ANK2: variants seen among roughly 807,000 people sequenced by gnomAD.
ANK2 encodes the protein ankyrin 2, also known as ankyrin-2.
In ANK2, 83 loss-of-function variants were observed where a neutral mutation model predicts 360.5. That is an observed-to-expected ratio of 0.23 (90% CI 0.19 to 0.28). ANK2 has a LOEUF of 0.28. ANK2 is among the 10% of genes least tolerant of loss of function. ANK2 has a pLI of 1.00. For synonymous variants in ANK2, 1,740 were observed against 1,759.5 expected, an observed-to-expected ratio of 0.99 and a Z score of 0.28; for missense variants, 4,201 against 4,795.7, an observed-to-expected ratio of 0.88 and a Z score of 3.66.
At chr4:112,874,117 T>C (rs2074212546) in intron 1 of ANK2, among the ~76,000 whole-genome samples, 1 of 141,752 alleles carries the variant, frequency 7.1e-6, no homozygotes, top group Non-Finnish European at 1.5e-5. Flanking sequence ...AGTCTCGCAC[T>C]GTCTCCCAAG....
rs762601575 is a variant in ANK2 at position 113,358,164 on chromosome 4, T to C, written c.9546T>C (p.Leu3182=). The C allele has an allele frequency of 5.0e-6, 8 of 1,614,056 alleles. No homozygotes were observed. The East Asian group carries it at 1.8e-4, about 36-fold the overall frequency. ...CAGTGGATGATGAGGCAGACTTACTTCCAGATGACGTGAGTGAGGAAGTAG... is the reference window on the plus strand; with the variant it reads ...CAGTGGATGATGAGGCAGACTTACTCCCAGATGACGTGAGTGAGGAAGTAG... ...KETVDDEADL[L]PDDVSEEVEE... is the part of the protein sequence containing the mutation. Residue 3182 remains leucine (L), a synonymous_variant, in exon 38 of 46, where the codon CTT becomes CTC. Coordinates refer to ENST00000357077, the MANE Select transcript of ANK2 (RefSeq NM_001148.6).
At chr4:112,834,753 G>A (rs1239632240) in intron 1 of ANK2, among the ~76,000 whole-genome samples, 2 of 152,168 alleles carry the variant, frequency 1.3e-5, no homozygotes, top group African/African-American at 4.8e-5. Context: ...TTGTTTAAGA[G>A]TCAAATTAGG....
At chr4:112,737,713 T>C in the ANK2 span, among the ~76,000 whole-genome samples, 1 of 152,190 alleles carries the variant, frequency 6.6e-6, no homozygotes, top group Non-Finnish European at 1.5e-5. Flanking sequence ...GGTTCTTAGT[T>C]CTCTTACATG....
chr4:113,222,953 G>A (rs554714056), intron 4 of ANK2, among the ~76,000 whole-genome samples: 37 of 152,218 alleles, frequency 2.4e-4, no homozygotes, highest in African/African-American at 8.4e-4. Context: ...TACTAAACAA[G>A]TATATAATCA....
At chr4:112,983,578 G>A (rs1331602192) in intron 2 of ANK2, among the ~76,000 whole-genome samples, 5 of 151,970 alleles carry the variant, frequency 3.3e-5, no homozygotes, top group African/African-American at 1.2e-4. Context: ...GTGAGGCTGA[G>A]GCAGGAGAAT....
At chr4:113,111,042 C>T (rs1360868053) in intron 1 of ANK2, among the ~76,000 whole-genome samples, 1 of 151,938 alleles carries the variant, frequency 6.6e-6, no homozygotes, top group African/African-American at 2.4e-5. Flanking sequence ...GAATAATAGC[C>T]CAGTCATTTA....
chr4:113,256,324 GA>G (rs934722934), intron 11 of ANK2, among the ~76,000 whole-genome samples: 2 of 151,772 alleles, frequency 1.3e-5, no homozygotes, highest in African/African-American at 2.4e-5. Context: ...TCTCTTTTTG[GA>G]AAAAAAATTA....
chr4:112,963,356 A>C (rs761262261), intron 2 of ANK2, among the ~76,000 whole-genome samples: 1 of 152,194 alleles, frequency 6.6e-6, no homozygotes, highest in African/African-American at 2.4e-5. Flanking sequence ...AATCTGTTTC[A>C]TGCATCTATT....
chr4:112,738,636 G>C, the ANK2 span: 3 of 554,134 alleles, frequency 5.4e-6, no homozygotes, highest in Admixed American at 3.9e-5. Context: ...CCTCTGGGCT[G>C]CCTACCGAGG....
At chr4:113,144,559 T>C (rs887014376) in intron 1 of ANK2, among the ~76,000 whole-genome samples, 1 of 151,822 alleles carries the variant, frequency 6.6e-6, no homozygotes, top group Non-Finnish European at 1.5e-5. Context: ...TGCTTCCAAT[T>C]CAATACTTTT....
chr4:113,097,873 TATGCACACACACAC>T (rs1562040540), intron 1 of ANK2, among the ~76,000 whole-genome samples: 6 of 121,474 alleles, frequency 4.9e-5, no homozygotes, highest in Non-Finnish European at 8.4e-5. Flanking sequence ...TGTGTATATA[TATGCACACACACAC>T]ACACGCACAC....
intron 1 of ANK2, among the ~76,000 whole-genome samples, chr4:113,169,658 G>A (rs917372960): frequency 2.6e-5 from 4 of 152,090 alleles, no homozygotes; most frequent in East Asian, 1.9e-4. Flanking sequence ...TTGGGTCACC[G>A]TTTTAGACAA....
intron 24 of ANK2, among the ~76,000 whole-genome samples, chr4:113,315,636 C>T (rs907993989): frequency 2.6e-5 from 4 of 152,068 alleles, no homozygotes; most frequent in South Asian, 2.1e-4. Flanking sequence ...TAGTGGCTCA[C>T]GCCTGTAATC....
intron 1 of ANK2, among the ~76,000 whole-genome samples, chr4:112,850,369 C>CCA (rs2064513158): frequency 2.0e-5 from 3 of 150,640 alleles, no homozygotes; most frequent in Non-Finnish European, 1.5e-5. Context: ...ACCCATTCAT[C>CCA]TCTCTGTCCA....
chr4:113,005,054 T>G (rs1266932691), intron 2 of ANK2, among the ~76,000 whole-genome samples: 1 of 152,192 alleles, frequency 6.6e-6, no homozygotes, highest in Non-Finnish European at 1.5e-5. Flanking sequence ...CAACTACATA[T>G]GAATCAAGAG....
chr4:112,943,203 G>A (rs1379786125), intron 2 of ANK2, among the ~76,000 whole-genome samples: 1 of 152,074 alleles, frequency 6.6e-6, no homozygotes, highest in East Asian at 1.9e-4. Flanking sequence ...TCAACAGTTA[G>A]CTAATTCTTC....
chr4:113,264,088 T>A (rs866045258), intron 13 of ANK2, among the ~76,000 whole-genome samples: 3 of 152,340 alleles, frequency 2.0e-5, no homozygotes, highest in African/African-American at 7.2e-5. Flanking sequence ...CATCTTTCAG[T>A]GGCTCTCTCA....
At chr4:112,787,688 C>G in the ANK2 span, among the ~76,000 whole-genome samples, 1 of 152,184 alleles carries the variant, frequency 6.6e-6, no homozygotes, top group East Asian at 1.9e-4. Flanking sequence ...TCAGTGGCCA[C>G]TTCTGCGTAA....
rs1402111630 is a variant in ANK2 at position 113,357,595 on chromosome 4, A to C, written c.8977A>C (p.Ile2993Leu). 1.9e-6 allele frequency: 3 copies of C among 1,614,168 alleles called. No homozygotes were observed. Among genetic ancestry groups the C allele is most frequent in the Non-Finnish European group, 2.5e-6 (3 of 1,179,986 alleles). The part of the protein sequence containing the change: ...SKESNFEGQD[I>L]KMESQQESTL... ...AGAATCTAATTTTGAGGGCCAGGAC[A>C]TAAAAATGGAATCCCAACAGGAAAG... Residue 2993 changes from isoleucine (I) to leucine (L), a missense_variant, in exon 38 of 46, where the codon ATA becomes CTA. Transcript: ENST00000357077.
Sources: allele counts gnomAD v4.1 joint callset (sites outside exome capture counted in the v4.1 genomes callset), GRCh38; gene constraint gnomAD v4.1.1; transcripts MANE v1.5; gene names NCBI Gene and HGNC (gene_info 2026-07-23, HGNC 2026-07-21).